Variants in GSKIP observed in about 807,000 individuals in gnomAD.
GSKIP encodes the protein GSK3B-interacting protein.
In GSKIP, 5 loss-of-function variants were observed where a neutral mutation model predicts 11.9. The observed-to-expected ratio is 0.42, with a 90% confidence interval of 0.22 to 0.89. GSKIP has a LOEUF of 0.89. Among genes scored for constraint, GSKIP ranks in the 40% least tolerant of loss-of-function variants. The probability of loss-of-function intolerance (pLI) is 0.29; values close to 1 mark genes in which losing one functional copy is unlikely to be tolerated. For synonymous variants in GSKIP, 70 were observed against 62.9 expected (o/e 1.11, Z -0.54); for missense variants, 150 against 166.6 (o/e 0.90, Z 0.55).
chr14:96,377,596 T>C (rs1291005173), intron 1 of GSKIP, among the ~76,000 whole-genome samples: 1 of 152,246 alleles, frequency 6.6e-6, no homozygotes, highest in Non-Finnish European at 1.5e-5. Context: ...TAAGTGCTTA[T>C]AATAAGGTGT....
At chr14:96,378,723 C>G (rs1293706724) in intron 1 of GSKIP, among the ~76,000 whole-genome samples, 1 of 152,182 alleles carries the variant, frequency 6.6e-6, no homozygotes, top group Non-Finnish European at 1.5e-5. Context: ...ATTTTCTAAA[C>G]CTTTTTACCT....
intron 3 of GSKIP, among the ~76,000 whole-genome samples, chr14:96,384,077 G>A (rs1484666816): frequency 1.3e-5 from 2 of 151,990 alleles, no homozygotes; most frequent in Non-Finnish European, 2.9e-5. Flanking sequence ...AAACGATTTG[G>A]GGAATGATTA....
chr14:96,376,229 C>T (rs976976431), intron 1 of GSKIP, among the ~76,000 whole-genome samples: 11 of 152,240 alleles, frequency 7.2e-5, no homozygotes, highest in African/African-American at 2.4e-4. Flanking sequence ...ATATCAAAAT[C>T]AAATTCCTCT....
At chr14:96,385,472 T>C in intron 3 of GSKIP, 51 bp from the exon 4 acceptor site, 1 of 1,509,212 alleles carries the variant, frequency 6.6e-7, no homozygotes, top group Non-Finnish European at 9.0e-7. Context: ...GGATTTTGCT[T>C]TCTGTACCAA....
intron 3 of GSKIP, among the ~76,000 whole-genome samples, chr14:96,384,005 C>T (rs1009713394): frequency 6.6e-6 from 1 of 151,938 alleles, no homozygotes; most frequent in African/African-American, 2.4e-5. Flanking sequence ...TGAGTGAGTC[C>T]GTCTACCCCT....
chr14:96,374,567 A>C (rs1170278287), intron 1 of GSKIP, among the ~76,000 whole-genome samples: 2 of 152,196 alleles, frequency 1.3e-5, no homozygotes. Flanking sequence ...ACAGGCTCTT[A>C]CTATTTTGCC....
intron 1 of GSKIP, among the ~76,000 whole-genome samples, chr14:96,375,147 C>A (rs1889162578): frequency 6.6e-6 from 1 of 151,686 alleles, no homozygotes; most frequent in Non-Finnish European, 1.5e-5. Flanking sequence ...AAAGCAACCA[C>A]CAAAAACACA....
At chr14:96,385,425 TA>T in intron 3 of GSKIP, 97 bp from the exon 4 acceptor site, 1 of 915,342 alleles carries the variant, frequency 1.1e-6, no homozygotes, top group Non-Finnish European at 1.7e-6. Flanking sequence ...AGAAATAATT[TA>T]TTTTTTTGAA....
intron 2 of GSKIP, among the ~76,000 whole-genome samples, chr14:96,380,471 C>T (rs991539076): frequency 1.3e-5 from 2 of 152,150 alleles, no homozygotes; most frequent in Non-Finnish European, 2.9e-5. Flanking sequence ...AAAAAAATAA[C>T]TCGTCTTCCA....
rs1408654112 is a variant in GSKIP at position 96,386,379 on chromosome 14, C to T, written c.*695C>T. The T allele has an allele frequency of 6.6e-6, 1 of 152,558 alleles. No homozygotes were observed. The highest frequency in any genetic ancestry group is 6.5e-5 in the Admixed American group (1 of 15,268). The allele number at this position is 152,558 out of a possible 1,614,324, so 9.5% of individuals were successfully genotyped here. A position where few individuals can be genotyped will look rare whatever the true frequency, so the allele number is the denominator to read the frequency against. On this transcript the variant is annotated 3_prime_UTR_variant, in exon 4 of 4. Transcript: ENST00000555181. ...TAATAATTACTCATTTCCAAGATAT[C>T]TAAGCACATAAGCAAATACAGGAAC...
chr14:96,384,076 G>T (rs758975517), intron 3 of GSKIP, among the ~76,000 whole-genome samples: 4 of 152,066 alleles, frequency 2.6e-5, no homozygotes, highest in Non-Finnish European at 4.4e-5. Context: ...AAAACGATTT[G>T]GGGAATGATT....
chr14:96,373,229 C>CAAAA (rs57931398), intron 1 of GSKIP, among the ~76,000 whole-genome samples: 254 of 82,518 alleles, frequency 3.1e-3, no homozygotes, highest in East Asian at 6.7e-3. Flanking sequence ...GACTCTGTCT[C>CAAAA]AAAAAAAAAA....
chr14:96,373,229 CAAAAAAAAAAAA>C (rs57931398), intron 1 of GSKIP, among the ~76,000 whole-genome samples: 2 of 82,812 alleles, frequency 2.4e-5, no homozygotes, highest in African/African-American at 5.0e-5. Context: ...GACTCTGTCT[CAAAAAAAAAAAA>C]AAAAAAAAAA....
Position 96,385,760 on chromosome 14 carries a change from C to A in GSKIP, c.*76C>A. ...AAAGCTTAAAATTCTTGCATATGGT[C>A]ATAGAAAATGCATCTTTGGTTTTGT... is the stretch of plus-strand genomic sequence containing the variant. On this transcript the variant is annotated 3_prime_UTR_variant, in exon 4 of 4. Coordinates refer to ENST00000555181, the MANE Select transcript of GSKIP (RefSeq NM_016472.5). 8.7e-7 allele frequency: 1 copy of A among 1,152,726 alleles called. No individual in the cohort carries two copies. Among genetic ancestry groups the A allele is most frequent in the Non-Finnish European group, 1.2e-6 (1 of 823,448 alleles). 71.4% of individuals were successfully genotyped at this position (1,152,726 alleles called of 1,614,324 possible). A position where few individuals can be genotyped will look rare whatever the true frequency, so the allele number is the denominator to read the frequency against.
chr14:96,385,752 C>A lies in GSKIP; in HGVS notation c.*68C>A. The A allele has an allele frequency of 8.0e-7, 1 of 1,250,240 alleles. No homozygotes were observed. The highest frequency in any genetic ancestry group is 1.1e-6 in the Non-Finnish European group (1 of 906,276). 77.4% of individuals were successfully genotyped at this position (1,250,240 alleles called of 1,614,324 possible). A position where few individuals can be genotyped will look rare whatever the true frequency, so the allele number is the denominator to read the frequency against. On this transcript the variant is annotated 3_prime_UTR_variant, in exon 4 of 4. Coordinates refer to ENST00000555181, the MANE Select transcript of GSKIP (RefSeq NM_016472.5). The stretch of plus-strand genomic sequence containing the variant: ...GTTGATATAAAGCTTAAAATTCTTG[C>A]ATATGGTCATAGAAAATGCATCTTT...
intron 1 of GSKIP, chr14:96,364,024 GA>G (rs1438959406): frequency 6.6e-6 from 1 of 152,314 alleles, no homozygotes; most frequent in African/African-American, 2.4e-5. Context: ...TCATAGCAAC[GA>G]TCAGGAAACT....
rs1175518747 is a variant in GSKIP, at chr14:96,382,339, A to C, written c.92A>C (p.Lys31Thr). 1.2e-6 allele frequency: 2 copies of C among 1,613,872 alleles called. No individual in the cohort carries two copies. Among genetic ancestry groups the C allele is most frequent in the Non-Finnish European group, 1.7e-6 (2 of 1,179,916 alleles). Residue 31 changes from lysine (K) to threonine (T), a missense_variant, in exon 3 of 4, where the codon AAA becomes ACA. Physicochemically the swap from Lys to Thr is moderately conservative, Grantham distance 78 (BLOSUM62 -1). Transcript: ENST00000555181. Reference protein sequence around the residue: ...ELNGFEGTDMKDMRLEAEAVV... With the variant: ...ELNGFEGTDMTDMRLEAEAVV... ...AACGGTTTTGAAGGAACTGACATGA[A>C]AGACATGAGGCTCGAAGCTGAAGCA...
At chr14:96,380,182 T>C (rs1440850057) in intron 2 of GSKIP, 1 of 152,232 alleles carries the variant, frequency 6.6e-6, no homozygotes, top group African/African-American at 2.4e-5. Flanking sequence ...TAACTTCTGT[T>C]GTTTGTAGCG....
Position 96,385,964 on chromosome 14 carries a change from C to T in GSKIP, c.*280C>T, listed in dbSNP as rs1197999838. ...TTCAAATCCTAATCACTATTTCATACTATTACAGGGCTTTGATGCTGCCAG... is the reference window on the plus strand; with the variant it reads ...TTCAAATCCTAATCACTATTTCATATTATTACAGGGCTTTGATGCTGCCAG... On this transcript the variant is annotated 3_prime_UTR_variant, in exon 4 of 4. Transcript: ENST00000555181. 3.3e-6 allele frequency: 1 copy of T among 298,832 alleles called. No homozygotes were observed. The allele number at this position is 298,832 out of a possible 1,614,324, so 18.5% of individuals were successfully genotyped here.
Sources: allele counts gnomAD v4.1 joint callset (sites outside exome capture counted in the v4.1 genomes callset), GRCh38; gene constraint gnomAD v4.1.1; transcripts MANE v1.5; gene names NCBI Gene and HGNC (gene_info 2026-07-23, HGNC 2026-07-21).